Variants in NUDT6 observed in about 807,000 individuals in gnomAD.
NUDT6 encodes the protein nudix hydrolase 6.
Under a neutral mutation model 36.8 loss-of-function variants are expected in NUDT6, and 24 were observed. The ratio of observed to expected loss-of-function variants is 0.65; its 90% CI spans 0.47 to 0.92. The LOEUF (loss-of-function observed/expected upper bound fraction) is 0.92, where lower values mean the gene tolerates loss of function less well. Ranked by LOEUF, NUDT6 falls within the 40% of genes least tolerant of loss-of-function variation. The pLI, the probability that NUDT6 is intolerant of heterozygous loss-of-function variation, is 0.00. For missense variants in NUDT6, 388 were observed against 392.8 expected (o/e 0.99, Z 0.10); for synonymous variants, 163 against 157.0 (o/e 1.04, Z -0.29).
At chr4:122,897,276 TTTAA>T (rs1727391785) in intron 4 of NUDT6, 1 of 207,516 alleles carries the variant, frequency 4.8e-6, no homozygotes, top group Admixed American at 5.7e-5. Flanking sequence ...TTTCTCATAG[TTTAA>T]TTCCAACAAC....
chr4:122,904,875 T>C (rs907568611), intron 3 of NUDT6, among the ~76,000 whole-genome samples: 1 of 152,090 alleles, frequency 6.6e-6, no homozygotes, highest in Non-Finnish European at 1.5e-5. Flanking sequence ...GTGTCTGGAG[T>C]TGGTTCCTTC....
chr4:122,914,184 G>C (rs919058957), intron 2 of NUDT6, among the ~76,000 whole-genome samples: 14 of 152,108 alleles, frequency 9.2e-5, no homozygotes, highest in Non-Finnish European at 1.5e-4. Flanking sequence ...TATAGAGAAG[G>C]AATAAATATG....
intron 2 of NUDT6, among the ~76,000 whole-genome samples, chr4:122,916,577 T>C (rs1727849150): frequency 6.6e-6 from 1 of 152,224 alleles, no homozygotes. Flanking sequence ...TAGTGAAGTT[T>C]AATTATATGT....
intron 3 of NUDT6, among the ~76,000 whole-genome samples, chr4:122,899,484 T>TA (rs938092171): frequency 6.6e-6 from 1 of 152,144 alleles, no homozygotes; most frequent in Non-Finnish European, 1.5e-5. Context: ...ACTTCTCCCC[T>TA]AAAAAAGTTT....
intron 3 of NUDT6, among the ~76,000 whole-genome samples, chr4:122,905,380 G>T (rs887924464): frequency 6.6e-6 from 1 of 152,136 alleles, no homozygotes; most frequent in Non-Finnish European, 1.5e-5. Flanking sequence ...TAACATTAAA[G>T]TTGCATCTTC....
At chr4:122,916,405 T>C (rs527459067) in intron 2 of NUDT6, among the ~76,000 whole-genome samples, 1 of 152,314 alleles carries the variant, frequency 6.6e-6, no homozygotes, top group Admixed American at 6.5e-5. Context: ...ATGTAAATAT[T>C]ATTAAGAAGT....
chr4:122,922,610 C>T, upstream of NUDT6: 1 of 1,532,934 alleles, frequency 6.5e-7, no homozygotes, highest in Non-Finnish European at 8.8e-7. Flanking sequence ...CCAAATGACC[C>T]CTCCGCGCTC....
rs577950644 is a variant in NUDT6 at position 122,893,557 on chromosome 4, C to T, written c.554-332G>A. 1.6e-5 allele frequency: 3 copies of T among 191,198 alleles called. No homozygotes were observed. In the East Asian group the frequency reaches 4.0e-4, roughly 25 times the overall value. The allele number at this position is 191,198 out of a possible 1,614,324, so 11.8% of individuals were successfully genotyped here. A position where few individuals can be genotyped will look rare whatever the true frequency, so the allele number is the denominator to read the frequency against. ...AAAAATATAGATTGAAAAGTTAAAA[C>T]ATTTTGCATGGCTGCAGTTCCTTTG... is the stretch of plus-strand genomic sequence containing the variant. On this transcript the variant is annotated intron_variant, in intron 4 of 4. Coordinates refer to ENST00000304430, the MANE Select transcript of NUDT6 (RefSeq NM_007083.5).
At chr4:122,913,685 T>C (rs923154202) in intron 2 of NUDT6, among the ~76,000 whole-genome samples, 1 of 152,226 alleles carries the variant, frequency 6.6e-6, no homozygotes, top group Non-Finnish European at 1.5e-5. Context: ...TATACTGCTT[T>C]GGAAGAGTTC....
At chr4:122,919,318 G>C (rs1448598357) in intron 1 of NUDT6, 2 of 152,334 alleles carry the variant, frequency 1.3e-5, no homozygotes, top group Non-Finnish European at 2.9e-5. Context: ...CTAGGTTCAA[G>C]CGATTCTCCT....
At chr4:122,908,350 C>T (rs1727665310) in intron 3 of NUDT6, among the ~76,000 whole-genome samples, 1 of 152,210 alleles carries the variant, frequency 6.6e-6, no homozygotes, top group Admixed American at 6.5e-5. Flanking sequence ...TATTGGTTGA[C>T]AGACTTCTTT....
At chr4:122,915,692 C>A (rs1257524015) in intron 2 of NUDT6, among the ~76,000 whole-genome samples, 1 of 152,096 alleles carries the variant, frequency 6.6e-6, no homozygotes, top group African/African-American at 2.4e-5. Context: ...TCATAGGATA[C>A]TCTTTTTGCA....
At chr4:122,917,893 C>T in intron 1 of NUDT6, 189 bp from the exon 2 acceptor site, 7 of 582,864 alleles carry the variant, frequency 1.2e-5, no homozygotes, top group South Asian at 1.0e-4. Flanking sequence ...TATGATTTTT[C>T]CATCAGACTG....
chr4:122,922,968 T>C (rs562889561), upstream of NUDT6: 16 of 716,900 alleles, frequency 2.2e-5, no homozygotes, highest in African/African-American at 2.8e-4. Context: ...CAAAGACTGC[T>C]GGTTTTGAAA....
intron 3 of NUDT6, among the ~76,000 whole-genome samples, chr4:122,902,730 T>G (rs1727548939): frequency 6.6e-6 from 1 of 152,198 alleles, no homozygotes; most frequent in African/African-American, 2.4e-5. Context: ...TGGGTTTAAG[T>G]CACTGTTAGG....
In NUDT6 at chr4:122,922,413, C is replaced by T. The variant is rs1167238756; in HGVS notation, c.160G>A (p.Gly54Arg). ...CDLQGELDRF[G>R]GISVRLARLD... is the part of the protein sequence containing the mutation. ...CGCGCCAGGCGCACCGAGATGCCCC[C>T]GAATCTGTCCAGCTCGCCCTGCAGA... is the stretch of plus-strand genomic sequence containing the variant. Residue 54 changes from glycine to arginine, a missense_variant, in exon 1 of 5, where the codon GGG becomes AGG. Physicochemically the swap from Gly to Arg is moderately radical, Grantham distance 125 (BLOSUM62 -2). Coordinates refer to ENST00000304430, the MANE Select transcript of NUDT6 (RefSeq NM_007083.5). 6.2e-7 allele frequency: 1 copy of T among 1,611,368 alleles called. No individual in the cohort carries two copies.
chr4:122,904,291 T>C (rs1000181930), intron 3 of NUDT6, among the ~76,000 whole-genome samples: 1 of 152,150 alleles, frequency 6.6e-6, no homozygotes, highest in Non-Finnish European at 1.5e-5. Context: ...TTTATTAAGA[T>C]GATATACTAT....
chr4:122,912,964 A>AT (rs1485261809), intron 2 of NUDT6, among the ~76,000 whole-genome samples: 1 of 152,206 alleles, frequency 6.6e-6, no homozygotes, highest in African/African-American at 2.4e-5. Context: ...TTTTGACTGC[A>AT]TTTTGACTGT....
chr4:122,898,652 T>G (rs1727438933), intron 3 of NUDT6, among the ~76,000 whole-genome samples: 1 of 152,186 alleles, frequency 6.6e-6, no homozygotes, highest in African/African-American at 2.4e-5. Flanking sequence ...TTCCATAGAC[T>G]GTTGATTATG....
Sources: allele counts gnomAD v4.1 joint callset (sites outside exome capture counted in the v4.1 genomes callset), GRCh38; gene constraint gnomAD v4.1.1; transcripts MANE v1.5; gene names NCBI Gene and HGNC (gene_info 2026-07-23, HGNC 2026-07-21).